The following SLC13A3 variants were observed in gnomAD, a reference collection of about 807,000 sequenced individuals.
SLC13A3 encodes Na(+)/dicarboxylate cotransporter 3.
A neutral mutation model predicts 59.0 loss-of-function variants in SLC13A3; 40 were observed. The observed-to-expected ratio is 0.68, with a 90% CI of 0.53 to 0.88. The LOEUF (loss-of-function observed/expected upper bound fraction) is 0.88, where lower values mean the gene tolerates loss of function less well. Among genes scored for constraint, SLC13A3 ranks in the 40% least tolerant of loss-of-function variants. SLC13A3 has a pLI of 0.00. For missense variants in SLC13A3, 699 were observed against 783.2 expected (o/e 0.89, Z 1.28); for synonymous variants, 317 against 330.3 (o/e 0.96, Z 0.44).
At position 46,575,670 on chromosome 20, in the gene SLC13A3, G is replaced by A. The variant is rs1008644591; in HGVS notation, c.1235C>T (p.Thr412Ile). ...CTTCTTCCAGGTCAGCAAGGGCTCT[G>A]TCTCTGTGTTGGGAGCTGGGCAGAG... is the stretch of plus-strand genomic sequence containing the variant. ...WFDFKAPNTE[T>I]EPLLTWKKAQ... Residue 412 changes from threonine (T) to isoleucine (I), a missense_variant, in exon 10 of 13, where the codon ACA (threonine) becomes ATA (isoleucine). Coordinates refer to ENST00000279027, the MANE Select transcript of SLC13A3 (RefSeq NM_022829.6). 9.4e-6 allele frequency: 15 copies of A among 1,595,380 alleles called. No homozygotes were observed. In the African/African-American group the frequency reaches 2.0e-4, roughly 21 times the overall value.
In SLC13A3 at chr20:46,610,445, C is replaced by A; in HGVS notation, c.541+1G>T. 6.2e-7 allele frequency: 1 copy of A among 1,611,644 alleles called. No individual in the cohort carries two copies. Among genetic ancestry groups the A allele is most frequent in the Non-Finnish European group, 8.5e-7 (1 of 1,178,680 alleles). ...GCCCCAATCCCTTAGCACAGCCTCA[C>A]CTGTGTTCTCTTCACTCTCCTGGCT... On this transcript the variant is annotated splice_donor_variant, in intron 3 of 12. Transcript: ENST00000279027. LOFTEE classifies it high-confidence loss of function.
At chr20:46,580,888 C>T (rs1387126423) in intron 9 of SLC13A3, among the ~76,000 whole-genome samples, 1 of 152,194 alleles carries the variant, frequency 6.6e-6, no homozygotes, top group Non-Finnish European at 1.5e-5. Flanking sequence ...GTTACCATCC[C>T]TTTTCATGGC....
At chr20:46,578,400 G>T (rs1294090706) in intron 9 of SLC13A3, among the ~76,000 whole-genome samples, 2 of 151,988 alleles carry the variant, frequency 1.3e-5, no homozygotes, top group African/African-American at 4.8e-5. Flanking sequence ...TACTGGCCGG[G>T]CATGGTGGTT....
At chr20:46,575,099 C>A (rs1568914273) in intron 10 of SLC13A3, among the ~76,000 whole-genome samples, 1 of 152,042 alleles carries the variant, frequency 6.6e-6, no homozygotes. Flanking sequence ...TGTGTTGGCA[C>A]CACTGCACTC....
exon 1 of SLC13A3, chr20:46,684,448 G>A (rs2063170608): frequency 1.3e-5 from 2 of 152,202 alleles, no homozygotes; most frequent in African/African-American, 2.4e-5. Context: ...GGCAGATGGG[G>A]AAACAAACAC....
chr20:46,651,078 GA>G (rs556728247), intron 1 of SLC13A3, among the ~76,000 whole-genome samples: 25 of 152,284 alleles, frequency 1.6e-4, no homozygotes, highest in African/African-American at 6.0e-4. Flanking sequence ...TATTCCCATG[GA>G]AGTGAGATCC....
chr20:46,643,901 G>A (rs1005915156), intron 1 of SLC13A3, among the ~76,000 whole-genome samples: 1 of 152,090 alleles, frequency 6.6e-6, no homozygotes, highest in African/African-American at 2.4e-5. Context: ...AGCCAGGCGT[G>A]GTGACGTGTG....
chr20:46,559,955 C>T lies in SLC13A3; in HGVS notation c.*67G>A. The T allele has an allele frequency of 6.8e-7, 1 of 1,467,748 alleles. No homozygotes were observed. The allele number at this position is 1,467,748 out of a possible 1,614,324, so 90.9% of individuals were successfully genotyped here. ...GAATTATTTGATTGTTTTGTAGTGT[C>T]CTAGCAGCAGGTGATGGTGACAGCC... On this transcript the variant is annotated 3_prime_UTR_variant, in exon 13 of 13. Transcript: ENST00000279027.
chr20:46,592,603 C>A, intron 5 of SLC13A3, 74 bp from the exon 6 acceptor site: 1 of 1,500,242 alleles, frequency 6.7e-7, no homozygotes, highest in Admixed American at 1.7e-5. Flanking sequence ...GGGGACCAGG[C>A]AGTACTAGTA....
chr20:46,656,307 T>C (rs1291737317), upstream of SLC13A3, among the ~76,000 whole-genome samples: 2 of 129,468 alleles, frequency 1.5e-5, no homozygotes, highest in African/African-American at 5.6e-5. Flanking sequence ...TACTATACAG[T>C]ATATATTATA....
rs555711399 is a variant in SLC13A3, at chr20:46,597,126, C to T, written c.609-784G>A. ...TCATGAATATAAGAATATTTAAAGT[C>T]TAGAAATATATGCAAGTTGTTTTGA... On this transcript the variant is annotated intron_variant, in intron 4 of 12. Transcript: ENST00000279027. Among the ~76,000 whole-genome samples the T allele has an allele frequency of 2.0e-5, 3 of 152,164 alleles. No individual in the cohort carries two copies. The South Asian group carries it at 6.2e-4, about 32-fold the overall frequency.
intron 4 of SLC13A3, among the ~76,000 whole-genome samples, chr20:46,597,065 A>C (rs953351087): frequency 6.6e-6 from 1 of 152,060 alleles, no homozygotes; most frequent in Admixed American, 6.6e-5. Context: ...AAAAAAATTA[A>C]TAAGTAATAA....
chr20:46,592,346 G>A (rs1268144333), intron 6 of SLC13A3, 58 bp downstream of exon 6: 4 of 1,603,844 alleles, frequency 2.5e-6, no homozygotes, highest in African/African-American at 2.7e-5. Flanking sequence ...AGATACTGAG[G>A]TTAGAAACGC....
intron 1 of SLC13A3, among the ~76,000 whole-genome samples, chr20:46,664,164 A>AT (rs1007700947): frequency 6.6e-6 from 1 of 151,982 alleles, no homozygotes; most frequent in South Asian, 2.1e-4. Context: ...GGGCATCAGG[A>AT]TTTTTTTTAA....
intron 1 of SLC13A3, among the ~76,000 whole-genome samples, chr20:46,645,658 A>T (rs2062887537): frequency 6.6e-6 from 1 of 152,166 alleles, no homozygotes; most frequent in African/African-American, 2.4e-5. Context: ...GTTTGGTACT[A>T]GTTTGTCTTT....
chr20:46,576,558 G>A (rs986820535), intron 9 of SLC13A3, among the ~76,000 whole-genome samples: 3 of 152,208 alleles, frequency 2.0e-5, no homozygotes, highest in Admixed American at 1.3e-4. Context: ...GGCATTTCCA[G>A]TTAGCTGATA....
chr20:46,566,072 G>C (rs8116910), intron 11 of SLC13A3, among the ~76,000 whole-genome samples, 157 bp downstream of exon 11: 2,740 of 152,252 alleles, frequency 0.018, 90 homozygotes, highest in African/African-American at 0.062. Flanking sequence ...AAAACATCCA[G>C]TATTTAAAAA....
intron 7 of SLC13A3, 100 bp downstream of exon 7, chr20:46,589,060 C>G: frequency 9.9e-7 from 1 of 1,012,064 alleles, no homozygotes; most frequent in Non-Finnish European, 1.5e-6. Flanking sequence ...CTGGAATTCC[C>G]CTGGAGCTCA....
At chr20:46,563,145 C>T (rs117305405) in intron 12 of SLC13A3, among the ~76,000 whole-genome samples, 1 of 152,132 alleles carries the variant, frequency 6.6e-6, no homozygotes, top group Non-Finnish European at 1.5e-5. Context: ...ATTCTGGGCA[C>T]GAAGTGGGGT....
Sources: allele counts gnomAD v4.1 joint callset (sites outside exome capture counted in the v4.1 genomes callset), GRCh38; gene constraint gnomAD v4.1.1; transcripts MANE v1.5; gene names NCBI Gene and HGNC (gene_info 2026-07-23, HGNC 2026-07-21).